The following ZFAT variants were observed in gnomAD, a reference collection of about 807,000 sequenced individuals.
ZFAT encodes zinc finger and AT-hook domain containing, also known as zinc finger protein ZFAT.
Under a neutral mutation model 117.7 loss-of-function variants are expected in ZFAT, and 64 were observed. That is an observed-to-expected ratio of 0.54 (90% CI 0.44 to 0.67). The LOEUF is 0.67. Ranked by LOEUF, ZFAT falls within the 30% of genes least tolerant of loss-of-function variation. The pLI is 0.00. For missense variants in ZFAT, 1,433 were observed against 1,584.5 expected (o/e 0.90, Z 1.62); for synonymous variants, 679 against 615.0 (o/e 1.10, Z -1.54).
chr8:134,744,381 T>C, the ZFAT span, among the ~76,000 whole-genome samples: 16 of 150,394 alleles, frequency 1.1e-4, no homozygotes, highest in Admixed American at 1.1e-3. Flanking sequence ...CGGCAACCTC[T>C]GCCTTGCAGG....
At chr8:134,619,380 C>T (rs1287602242) in intron 3 of ZFAT, among the ~76,000 whole-genome samples, 2 of 152,206 alleles carry the variant, frequency 1.3e-5, no homozygotes, top group Admixed American at 1.3e-4. Context: ...AACCGTAAGT[C>T]CACCCATTGC....
intron 3 of ZFAT, among the ~76,000 whole-genome samples, chr8:134,620,308 G>A (rs991921957): frequency 2.6e-5 from 4 of 152,178 alleles, no homozygotes; most frequent in Non-Finnish European, 4.4e-5. Context: ...TCAGCCAAGC[G>A]CCCATACACA....
chr8:134,565,186 G>T (rs181684556), intron 11 of ZFAT, 147 bp downstream of exon 11: 2 of 1,536,150 alleles, frequency 1.3e-6, no homozygotes, highest in East Asian at 4.9e-5. Flanking sequence ...GCTGCACTAT[G>T]CCTCAGACTC....
chr8:134,523,185 T>TAGAG (rs1249786779), intron 12 of ZFAT, among the ~76,000 whole-genome samples: 1 of 152,202 alleles, frequency 6.6e-6, no homozygotes, highest in African/African-American at 2.4e-5. Context: ...CTGAACACTC[T>TAGAG]GTTCCTCCAG....
At chr8:134,753,134 G>A in the ZFAT span, among the ~76,000 whole-genome samples, 14 of 152,066 alleles carry the variant, frequency 9.2e-5, no homozygotes, top group Admixed American at 2.0e-4. Flanking sequence ...CCAGATGTTC[G>A]AGGTTACAAT....
chr8:134,614,956 G>A (rs1175949276), intron 3 of ZFAT, among the ~76,000 whole-genome samples: 1 of 152,188 alleles, frequency 6.6e-6, no homozygotes, highest in Non-Finnish European at 1.5e-5. Context: ...GAGAAAGGAA[G>A]TTGCAGGGAG....
At chr8:134,631,954 G>A (rs1386610265) in intron 3 of ZFAT, among the ~76,000 whole-genome samples, 1 of 152,076 alleles carries the variant, frequency 6.6e-6, no homozygotes, top group Non-Finnish European at 1.5e-5. Context: ...TGCCAGATCT[G>A]TATTTTCTCC....
chr8:134,771,802 C>T, the ZFAT span, among the ~76,000 whole-genome samples: 3 of 152,258 alleles, frequency 2.0e-5, no homozygotes, highest in African/African-American at 7.2e-5. Context: ...CAGAGACTGG[C>T]CAATTTACAA....
intron 7 of ZFAT, among the ~76,000 whole-genome samples, chr8:134,593,844 G>T (rs1454500226): frequency 6.6e-6 from 1 of 152,224 alleles, no homozygotes; most frequent in Non-Finnish European, 1.5e-5. Flanking sequence ...CCCCTGTTAT[G>T]TGTCAGGCGC....
At chr8:134,742,622 G>A in the ZFAT span, among the ~76,000 whole-genome samples, 38 of 152,230 alleles carry the variant, frequency 2.5e-4, no homozygotes, top group African/African-American at 8.9e-4. Flanking sequence ...CCAGCCCCTC[G>A]GCTCTCTGCT....
chr8:134,788,842 C>T, the ZFAT span, among the ~76,000 whole-genome samples: 103 of 152,156 alleles, frequency 6.8e-4, no homozygotes, highest in African/African-American at 2.3e-3. Context: ...TCTGGTAATG[C>T]TTTTTGCCTT....
chr8:134,698,929 G>A (rs1418337768), intron 1 of ZFAT, among the ~76,000 whole-genome samples: 6 of 152,218 alleles, frequency 3.9e-5, no homozygotes, highest in Non-Finnish European at 5.9e-5. Flanking sequence ...GATTAAAAAG[G>A]AAAAGTACAG....
chr8:134,578,210 C>T (rs533031852), intron 10 of ZFAT, among the ~76,000 whole-genome samples: 17 of 151,946 alleles, frequency 1.1e-4, no homozygotes, highest in Non-Finnish European at 1.5e-5. Flanking sequence ...GTCAGCAGTT[C>T]GAGACCAGAC....
At chr8:134,728,406 C>T in the ZFAT span, among the ~76,000 whole-genome samples, 1 of 152,034 alleles carries the variant, frequency 6.6e-6, no homozygotes, top group Non-Finnish European at 1.5e-5. Context: ...CTGCTTTGTG[C>T]CCTTCAGACT....
chr8:134,779,199 C>T, the ZFAT span, among the ~76,000 whole-genome samples: 181 of 152,150 alleles, frequency 1.2e-3, 6 homozygotes, highest in East Asian at 0.024. Flanking sequence ...CCTCATTCCC[C>T]GCAGGACAGT....
intron 1 of ZFAT, among the ~76,000 whole-genome samples, chr8:134,667,677 C>A (rs1164471531): frequency 6.6e-6 from 1 of 151,568 alleles, no homozygotes; most frequent in Non-Finnish European, 1.5e-5. Flanking sequence ...CAGCTCCCAG[C>A]ATGAGCGACA....
At chr8:134,762,347 C>T in the ZFAT span, among the ~76,000 whole-genome samples, 1 of 152,184 alleles carries the variant, frequency 6.6e-6, no homozygotes, top group Non-Finnish European at 1.5e-5. Context: ...GTCATTCATT[C>T]AGCACACTCT....
At chr8:134,694,796 T>C (rs1333854324) in intron 1 of ZFAT, among the ~76,000 whole-genome samples, 1 of 152,204 alleles carries the variant, frequency 6.6e-6, no homozygotes, top group Non-Finnish European at 1.5e-5. Flanking sequence ...AAGGTGTCCA[T>C]GTAACCAAAG....
At chr8:134,560,603 C>A (rs1410804340) in intron 11 of ZFAT, among the ~76,000 whole-genome samples, 1 of 151,970 alleles carries the variant, frequency 6.6e-6, no homozygotes, top group African/African-American at 2.4e-5. Flanking sequence ...AACTACACTG[C>A]CTTACATAAT....
Sources: gnomAD v4.1 joint callset for allele counts (sites outside exome capture counted in the v4.1 genomes callset) on GRCh38, gnomAD v4.1.1 for gene constraint, MANE v1.5 for transcripts, NCBI Gene and HGNC (gene_info 2026-07-23, HGNC 2026-07-21) for gene names.